TP53I11: variants seen among roughly 807,000 people sequenced by gnomAD.
TP53I11 encodes tumor protein p53-inducible protein 11.
Under a neutral mutation model 23.3 loss-of-function variants are expected in TP53I11, and 9 were observed. That is an observed-to-expected ratio of 0.39 (90% confidence interval 0.23 to 0.67). TP53I11 has a LOEUF of 0.67. Ranked by LOEUF, TP53I11 falls within the 30% of genes least tolerant of loss-of-function variation. TP53I11 has a pLI of 0.48. For synonymous variants in TP53I11, 100 were observed against 106.1 expected (o/e 0.94, Z 0.35); for missense variants, 170 against 255.2 (o/e 0.67, Z 2.27).
rs1179626924 is a variant in TP53I11 at position 44,933,599 on chromosome 11, G to A, written c.*1285C>T. 1.3e-5 allele frequency: 2 copies of A among 157,310 alleles called. No homozygotes were observed. Among genetic ancestry groups the A allele is most frequent in the Admixed American group, 6.5e-5 (1 of 15,306 alleles). The allele number at this position is 157,310 out of a possible 1,614,324, so 9.7% of individuals were successfully genotyped here. On this transcript the variant is annotated 3_prime_UTR_variant, in exon 7 of 7. Transcript: ENST00000525680. Reference sequence around the variant, plus strand: ...CAGCACAGGCTGGTGGGCCCTCAGGGAGAAGCTGGGCGGTGGGTATGCAGC... The same window carrying A: ...CAGCACAGGCTGGTGGGCCCTCAGGAAGAAGCTGGGCGGTGGGTATGCAGC...
In TP53I11 at chr11:44,932,421, G is replaced by A. The variant is rs1860624511; in HGVS notation, c.*2463C>T. 6.6e-6 allele frequency: 1 copy of A among 152,328 alleles called. No homozygotes were observed. The highest frequency in any genetic ancestry group is 1.5e-5 in the Non-Finnish European group (1 of 68,098). 9.4% of individuals were successfully genotyped at this position (152,328 alleles called of 1,614,324 possible). A position where few individuals can be genotyped will look rare whatever the true frequency, so the allele number is the denominator to read the frequency against. On this transcript the variant is annotated 3_prime_UTR_variant, in exon 7 of 7. Transcript: ENST00000525680. Reference sequence around the variant, plus strand: ...GGAACAAAGAATAAATAGTGACCGTGAAGAAAGGTGGTCTTGATTTGGGGT... The same window carrying A: ...GGAACAAAGAATAAATAGTGACCGTAAAGAAAGGTGGTCTTGATTTGGGGT...
At position 44,935,674 on chromosome 11, in the gene TP53I11, G is replaced by GGGGGGGT; in HGVS notation, c.335-13_335-12insACCCCCC. ...GATCAGGGAGATGCCTGGGGCGGGG[G>GGGGGGGT]ATGAAAAGGGGGCTGGGGGTGGGAC... On this transcript the variant is annotated splice_polypyrimidine_tract_variant and intron_variant, in intron 5 of 6. Coordinates refer to ENST00000525680, the MANE Select transcript of TP53I11 (RefSeq NM_006034.5). 4.8e-6 allele frequency: 3 copies of GGGGGGGT among 626,932 alleles called. No individual in the cohort carries two copies. The highest frequency in any genetic ancestry group is 2.9e-6 in the Non-Finnish European group (1 of 344,058). 38.8% of individuals were successfully genotyped at this position (626,932 alleles called of 1,614,324 possible). A position where few individuals can be genotyped will look rare whatever the true frequency, so the allele number is the denominator to read the frequency against.
At chr11:44,950,892 G>C (rs1253103519), upstream of TP53I11, 1 of 151,978 alleles carries the variant, frequency 6.6e-6, no homozygotes, top group East Asian at 1.9e-4. Flanking sequence ...CTGGCGGCCC[G>C]CGCTGGTCCC....
At chr11:44,935,064 T>C (rs746877461) in intron 6 of TP53I11, 47 bp from the exon 7 acceptor site, 1 of 1,609,190 alleles carries the variant, frequency 6.2e-7, no homozygotes, top group Non-Finnish European at 8.5e-7. Context: ...GGAGGGGATG[T>C]GTCCCAGCGC....
At position 44,936,039 on chromosome 11, in the gene TP53I11, C is replaced by A; in HGVS notation, c.335-377G>T. ...TTCATGAGTTAATGGGTTACCTGGT[C>A]CTATGATTGGGTTTTCTTTTACACG... On this transcript the variant is annotated intron_variant, in intron 5 of 6. Coordinates refer to ENST00000525680, the MANE Select transcript of TP53I11 (RefSeq NM_006034.5). This position sits in a 1 kb window ranked among gnomAD's most constrained non-coding sequence, Gnocchi z 4.4. The A allele has an allele frequency of 3.7e-6, 1 of 269,982 alleles. No individual in the cohort carries two copies. The highest frequency in any genetic ancestry group is 8.0e-5 in the South Asian group (1 of 12,502). The allele number at this position is 269,982 out of a possible 1,614,324, so 16.7% of individuals were successfully genotyped here.
At chr11:44,935,791 G>A (rs547736079) in intron 5 of TP53I11, 129 bp from the exon 6 acceptor site, 70 of 652,812 alleles carry the variant, frequency 1.1e-4, no homozygotes, top group East Asian at 5.7e-4. Context: ...CCACGCCTCC[G>A]CCCCTATTCA....
intron 1 of TP53I11, among the ~76,000 whole-genome samples, chr11:44,941,435 G>A (rs935804553): frequency 6.6e-6 from 1 of 152,182 alleles, no homozygotes; most frequent in African/African-American, 2.4e-5. Context: ...ATGGGTAAGT[G>A]CTTAACTGCT....
Position 44,935,315 on chromosome 11 carries a change from G to C in TP53I11, c.436+246C>G, listed in dbSNP as rs186847383. On this transcript the variant is annotated intron_variant, in intron 6 of 6. Transcript: ENST00000525680. ...GGGTGTGGGGGGGCCGCAGGTACAT[G>C]TGTGTGCAAGGCCATAGATACAAGT... Among the ~76,000 whole-genome samples, 865 of 152,330 alleles carry C rather than the reference G, an allele frequency of 5.7e-3. 4 individuals are homozygous for C. Among genetic ancestry groups the C allele is most frequent in the African/African-American group, 0.02 (834 of 41,560 alleles).
chr11:44,936,478 C>T lies in TP53I11; in HGVS notation c.334+325G>A. 1 of 1,240,272 alleles carries T rather than the reference C, an allele frequency of 8.1e-7. No homozygotes were observed. The highest frequency in any genetic ancestry group is 1.0e-6 in the Non-Finnish European group (1 of 993,096). The allele number at this position is 1,240,272 out of a possible 1,614,324, so 76.8% of individuals were successfully genotyped here. ...GCAGACACTGAATTGATCTGCCTCT[C>T]CTCTAGGCTGTGAATTCCTAGAGGC... On this transcript the variant is annotated intron_variant, in intron 5 of 6. Transcript: ENST00000525680. This position sits in a 1 kb window ranked among gnomAD's most constrained non-coding sequence, Gnocchi z 4.4.
rs1007453614 is a variant in TP53I11 at position 44,936,483 on chromosome 11, A to G, written c.334+320T>C. 3 of 1,239,922 alleles carry G rather than the reference A, an allele frequency of 2.4e-6. No individual in the cohort carries two copies. Among genetic ancestry groups the G allele is most frequent in the Non-Finnish European group, 2.0e-6 (2 of 992,852 alleles). 76.8% of individuals were successfully genotyped at this position (1,239,922 alleles called of 1,614,324 possible). On this transcript the variant is annotated intron_variant, in intron 5 of 6. Coordinates refer to ENST00000525680, the MANE Select transcript of TP53I11 (RefSeq NM_006034.5). This position sits in a 1 kb window ranked among gnomAD's most constrained non-coding sequence, Gnocchi z 4.4. ...CACTGAATTGATCTGCCTCTCCTCT[A>G]GGCTGTGAATTCCTAGAGGCTGGGC...
At chr11:44,941,168 T>G (rs1442682262) in intron 1 of TP53I11, 2 of 152,258 alleles carry the variant, frequency 1.3e-5, no homozygotes, top group Non-Finnish European at 2.9e-5. Context: ...TGAGGTCTAC[T>G]GTGAGCAAGG....
rs1383492727 is a variant in TP53I11 at position 44,935,671 on chromosome 11, G to A, written c.335-9C>T. 2 of 1,589,460 alleles carry A rather than the reference G, an allele frequency of 1.3e-6. No individual in the cohort carries two copies. Among genetic ancestry groups the A allele is most frequent in the Non-Finnish European group, 1.7e-6 (2 of 1,159,638 alleles). On this transcript the variant is annotated splice_polypyrimidine_tract_variant and intron_variant, in intron 5 of 6. Transcript: ENST00000525680. The stretch of plus-strand genomic sequence containing the variant: ...CATGATCAGGGAGATGCCTGGGGCG[G>A]GGGATGAAAAGGGGGCTGGGGGTGG...
chr11:44,935,138 T>C, intron 6 of TP53I11, 121 bp from the exon 7 acceptor site: 2 of 1,453,272 alleles, frequency 1.4e-6, no homozygotes, highest in Non-Finnish European at 1.9e-6. Context: ...CCCAGGATCC[T>C]CCCAGGTGGG....
In TP53I11 at chr11:44,936,366, C is replaced by A. The variant is rs946552569; in HGVS notation, c.334+437G>T. On this transcript the variant is annotated intron_variant, in intron 5 of 6. Transcript: ENST00000525680. The surrounding 1 kb of genome is among the most constrained non-coding windows in gnomAD (Gnocchi z 4.4). ...TAAAAATTGTAATTCCAAATCCTAA[C>A]GTGTGCATCTCAGGTTAGAGAGGAA... The A allele has an allele frequency of 8.1e-7, 1 of 1,228,552 alleles. No homozygotes were observed. The highest frequency in any genetic ancestry group is 1.0e-6 in the Non-Finnish European group (1 of 986,640). 76.1% of individuals were successfully genotyped at this position (1,228,552 alleles called of 1,614,324 possible). A position where few individuals can be genotyped will look rare whatever the true frequency, so the allele number is the denominator to read the frequency against.
chr11:44,935,152 C>A lies in TP53I11; in HGVS notation c.437-135G>T. On this transcript the variant is annotated intron_variant, in intron 6 of 6. Coordinates refer to ENST00000525680, the MANE Select transcript of TP53I11 (RefSeq NM_006034.5). Reference sequence around the variant, plus strand: ...GCCCAGGATCCTCCCAGGTGGGAAGCACAGGACCTGCCCCCTGCCCCTGCC... The same window carrying A: ...GCCCAGGATCCTCCCAGGTGGGAAGAACAGGACCTGCCCCCTGCCCCTGCC... The A allele has an allele frequency of 2.3e-6, 3 of 1,308,518 alleles. No individual in the cohort carries two copies. In the South Asian group the frequency reaches 3.9e-5, roughly 17 times the overall value. 81.1% of individuals were successfully genotyped at this position (1,308,518 alleles called of 1,614,324 possible).
Position 44,934,630 on chromosome 11 carries a change from T to C in TP53I11, c.*254A>G, listed in dbSNP as rs965898167. The C allele has an allele frequency of 2.4e-5, 12 of 494,140 alleles. No homozygotes were observed. Among genetic ancestry groups the C allele is most frequent in the African/African-American group, 2.3e-4 (12 of 51,892 alleles). 30.6% of individuals were successfully genotyped at this position (494,140 alleles called of 1,614,324 possible). ...GGCCAAGAGACCCAAGGAAAGGAGG[T>C]ATCACTGTGAGGGTGAAGAACAGGG... is the stretch of plus-strand genomic sequence containing the variant. On this transcript the variant is annotated 3_prime_UTR_variant, in exon 7 of 7. Coordinates refer to ENST00000525680, the MANE Select transcript of TP53I11 (RefSeq NM_006034.5).
intron 1 of TP53I11, among the ~76,000 whole-genome samples, chr11:44,941,988 AC>A (rs1212866638): frequency 1.6e-4 from 1 of 6,370 alleles, no homozygotes; most frequent in African/African-American, 5.5e-4. Context: ...ACACACACAC[AC>A]ACCACATATA....
At position 44,936,795 on chromosome 11, in the gene TP53I11, G is replaced by A. The variant is rs1358762988; in HGVS notation, c.334+8C>T. 2 of 1,581,688 alleles carry A rather than the reference G, an allele frequency of 1.3e-6. No homozygotes were observed. The highest frequency in any genetic ancestry group is 2.3e-5 in the South Asian group (2 of 86,056). On this transcript the variant is annotated splice_region_variant and intron_variant, in intron 5 of 6. Coordinates refer to ENST00000525680, the MANE Select transcript of TP53I11 (RefSeq NM_006034.5). The surrounding 1 kb of genome is among the most constrained non-coding windows in gnomAD (Gnocchi z 4.4). ...GCCTCCCCCAGGGCCCGCCCCAGCA[G>A]TACTCACTGAGGAGGGCACCGCCGT...
At chr11:44,942,107 C>T (rs1012048035) in intron 1 of TP53I11, among the ~76,000 whole-genome samples, 12 of 6,410 alleles carry the variant, frequency 1.9e-3, no homozygotes, top group Admixed American at 5.8e-3. Context: ...CCACACAATA[C>T]GTGCACACAC....
Sources: gnomAD v4.1 joint callset for allele counts (sites outside exome capture counted in the v4.1 genomes callset) on GRCh38, gnomAD v4.1.1 for gene constraint, Gnocchi (gnomAD v3.1) non-coding constraint, MANE v1.5 for transcripts, NCBI Gene and HGNC (gene_info 2026-07-23, HGNC 2026-07-21) for gene names.